The following MYO16 variants were observed in gnomAD, a reference collection of about 807,000 sequenced individuals.
MYO16 encodes myosin XVI, also known as unconventional myosin-XVI.
Under a neutral mutation model 205.3 loss-of-function variants are expected in MYO16, and 94 were observed. That is an observed-to-expected ratio of 0.46 (90% CI 0.39 to 0.54). MYO16 has a LOEUF of 0.54. Among genes scored for constraint, MYO16 ranks in the 20% least tolerant of loss-of-function variants. The pLI, the probability that MYO16 is intolerant of heterozygous loss-of-function variation, is 0.00. For synonymous variants in MYO16, 988 were observed against 954.0 expected (o/e 1.04, Z -0.66); for missense variants, 2,315 against 2,387.5 (o/e 0.97, Z 0.63).
At chr13:108,553,506 T>C in the MYO16 span, among the ~76,000 whole-genome samples, 1 of 152,218 alleles carries the variant, frequency 6.6e-6, no homozygotes, top group East Asian at 1.9e-4. Flanking sequence ...ACATCTGTCA[T>C]GGTATTTAAT....
Position 109,162,970 on chromosome 13 carries a change from T to G in MYO16, c.5165-1931T>G, listed in dbSNP as rs1197400179. Among the ~76,000 whole-genome samples, 1 of 152,248 alleles carries G rather than the reference T, an allele frequency of 6.6e-6. No homozygotes were observed. The highest frequency in any genetic ancestry group is 2.4e-5 in the African/African-American group (1 of 41,460). ...GTTAAGATCACCTGACTTTCACTTT[T>G]GTTGCCATTCTTGTACATGCTAACT... On this transcript the variant is annotated intron_variant, in intron 32 of 34. Coordinates refer to ENST00000457511, the MANE Select transcript of MYO16 (RefSeq NM_001198950.3). This position sits in a 1 kb window ranked among gnomAD's most constrained non-coding sequence, Gnocchi z 4.6.
At chr13:109,153,440 A>G (rs745707915) in intron 32 of MYO16, among the ~76,000 whole-genome samples, 2 of 152,182 alleles carry the variant, frequency 1.3e-5, no homozygotes, top group African/African-American at 2.4e-5. Flanking sequence ...TGCTATTTCT[A>G]TGTTCATTTA....
chr13:108,831,536 G>T (rs1209394734), intron 9 of MYO16, among the ~76,000 whole-genome samples: 1 of 152,118 alleles, frequency 6.6e-6, no homozygotes, highest in African/African-American at 2.4e-5. Flanking sequence ...TTTCCAGACA[G>T]AGTTTCGCTC....
chr13:109,131,019 A>C (rs1267844151), intron 31 of MYO16, among the ~76,000 whole-genome samples: 2 of 152,126 alleles, frequency 1.3e-5, no homozygotes, highest in African/African-American at 4.8e-5. Context: ...AAGCGGTGAT[A>C]CTGAATTTTT....
At chr13:109,206,528 A>G in intron 34 of MYO16, 81 bp from the exon 35 acceptor site, 1 of 1,034,074 alleles carries the variant, frequency 9.7e-7, no homozygotes, top group South Asian at 1.5e-5. Context: ...GCCCCTTTGT[A>G]TCCAGGTGTT....
chr13:108,851,819 G>C (rs1566369284), intron 10 of MYO16, among the ~76,000 whole-genome samples: 1 of 152,180 alleles, frequency 6.6e-6, no homozygotes, highest in East Asian at 1.9e-4. Flanking sequence ...CCGTGAAACT[G>C]GTCTTGTGGT....
intron 27 of MYO16, among the ~76,000 whole-genome samples, chr13:109,088,504 T>C (rs943891632): frequency 3.9e-5 from 6 of 152,210 alleles, no homozygotes; most frequent in African/African-American, 1.4e-4. Context: ...TTTTATCTGC[T>C]TCCTGGTATT....
At chr13:108,547,956 G>A in the MYO16 span, among the ~76,000 whole-genome samples, 1 of 152,136 alleles carries the variant, frequency 6.6e-6, no homozygotes, top group East Asian at 1.9e-4. Flanking sequence ...GTTGGAAAAA[G>A]CAGTGATTCA....
At chr13:108,656,388 G>A (rs148329710) in intron 1 of MYO16, among the ~76,000 whole-genome samples, 358 of 152,246 alleles carry the variant, frequency 2.4e-3, no homozygotes, top group African/African-American at 8.3e-3. Context: ...ATAGGGAACT[G>A]TAAGTCCAAT....
chr13:108,680,023 C>G (rs1219647666), intron 2 of MYO16, among the ~76,000 whole-genome samples: 1 of 143,746 alleles, frequency 7.0e-6, no homozygotes, highest in Non-Finnish European at 1.5e-5. Flanking sequence ...CCATTCATCA[C>G]TTAGATCCCA....
chr13:108,820,585 T>C (rs9514924), intron 8 of MYO16, among the ~76,000 whole-genome samples, 173 bp downstream of exon 8: 85,384 of 152,010 alleles, frequency 0.56, 27,549 homozygotes, highest in Non-Finnish European at 0.73. Context: ...TACGATGATA[T>C]AGGCGATGTG....
intron 23 of MYO16, among the ~76,000 whole-genome samples, chr13:109,037,697 GAGAT>G (rs1886759431): frequency 6.6e-6 from 1 of 152,076 alleles, no homozygotes; most frequent in Non-Finnish European, 1.5e-5. Context: ...AAGAATGGGA[GAGAT>G]AGGAAGAAAG....
chr13:108,796,643 C>A (rs1311288064), intron 6 of MYO16, among the ~76,000 whole-genome samples: 1 of 151,916 alleles, frequency 6.6e-6, no homozygotes, highest in Non-Finnish European at 1.5e-5. Context: ...TGGAAACCAT[C>A]ATTTTCAGCA....
intron 33 of MYO16, among the ~76,000 whole-genome samples, chr13:109,170,042 G>A (rs971618573): frequency 6.6e-6 from 1 of 150,940 alleles, no homozygotes; most frequent in Non-Finnish European, 1.5e-5. Flanking sequence ...ATGGATAGAA[G>A]AAACAATAGG....
intron 9 of MYO16, among the ~76,000 whole-genome samples, chr13:108,833,436 T>C (rs887570489): frequency 6.6e-6 from 1 of 152,156 alleles, no homozygotes; most frequent in Admixed American, 6.5e-5. Flanking sequence ...GATGTAGCTA[T>C]GTTTGTAGGA....
the MYO16 span, among the ~76,000 whole-genome samples, chr13:108,499,534 G>C: frequency 5.5e-4 from 84 of 152,226 alleles, no homozygotes; most frequent in Middle Eastern, 0.02. Flanking sequence ...CATCTAGCTA[G>C]AGCCACTTCT....
rs955457630 is a variant in MYO16 at position 108,806,929 on chromosome 13, T to A, written c.867+125T>A. On this transcript the variant is annotated intron_variant, in intron 7 of 34. Transcript: ENST00000457511. ...TATTGTAATTTGACTTTTAATAGTG[T>A]CTTCTTACTGAACAAATATTTTTAT... The A allele has an allele frequency of 9.0e-6, 6 of 667,366 alleles. No homozygotes were observed. In the African/African-American group the frequency reaches 1.1e-4, roughly 12 times the overall value. 41.3% of individuals were successfully genotyped at this position (667,366 alleles called of 1,614,324 possible).
At chr13:108,595,081 G>C (rs927271669), upstream of MYO16, among the ~76,000 whole-genome samples, 1 of 151,992 alleles carries the variant, frequency 6.6e-6, no homozygotes, top group Non-Finnish European at 1.5e-5. Flanking sequence ...ATACTGCATG[G>C]GTATTTTGAC....
At chr13:108,928,192 G>A (rs1432830034) in intron 16 of MYO16, among the ~76,000 whole-genome samples, 21 of 152,186 alleles carry the variant, frequency 1.4e-4, no homozygotes, top group Non-Finnish European at 2.2e-4. Flanking sequence ...GGAGAGATGG[G>A]CAGAGATGAT....
Sources: allele counts gnomAD v4.1 joint callset (sites outside exome capture counted in the v4.1 genomes callset), GRCh38; gene constraint gnomAD v4.1.1; non-coding constraint Gnocchi (gnomAD v3.1); transcripts MANE v1.5; gene names NCBI Gene and HGNC (gene_info 2026-07-23, HGNC 2026-07-21).